The following KLHL7 variants were observed in gnomAD, a reference collection of about 807,000 sequenced individuals.
KLHL7 encodes the protein kelch-like protein 7.
A neutral mutation model predicts 67.4 loss-of-function variants in KLHL7; 44 were observed. That is an observed-to-expected ratio of 0.65 (90% CI 0.51 to 0.84). KLHL7 has a LOEUF of 0.84. Ranked by LOEUF, KLHL7 falls within the 40% of genes least tolerant of loss-of-function variation. The pLI is 0.00. For synonymous variants in KLHL7, 252 were observed against 243.3 expected, an observed-to-expected ratio of 1.04 and a Z score of -0.33; for missense variants, 362 against 718.1, an observed-to-expected ratio of 0.50 and a Z score of 5.67.
intron 6 of KLHL7, among the ~76,000 whole-genome samples, chr7:23,145,635 A>T (rs1784331824): frequency 6.6e-6 from 1 of 152,238 alleles, no homozygotes. Context: ...CAGTATTTGT[A>T]GATATTGTCT....
At chr7:23,113,168 T>C (rs1441922332) in intron 1 of KLHL7, among the ~76,000 whole-genome samples, 2 of 152,088 alleles carry the variant, frequency 1.3e-5, no homozygotes, top group Admixed American at 6.5e-5. Context: ...TCTGCTAAAA[T>C]GAAGGAGTAA....
chr7:23,136,048 A>T (rs944202763), intron 4 of KLHL7, among the ~76,000 whole-genome samples: 1 of 152,056 alleles, frequency 6.6e-6, no homozygotes, highest in Non-Finnish European at 1.5e-5. Flanking sequence ...GTTGCTGGGA[A>T]CTCTTCTGCT....
At chr7:23,162,588 T>A (rs1165611091) in intron 7 of KLHL7, among the ~76,000 whole-genome samples, 3 of 152,220 alleles carry the variant, frequency 2.0e-5, no homozygotes, top group African/African-American at 4.8e-5. Flanking sequence ...CCTGGCTTCA[T>A]ACCCAAGTTT....
At chr7:23,110,078 A>C (rs1782802634) in intron 1 of KLHL7, among the ~76,000 whole-genome samples, 1 of 152,216 alleles carries the variant, frequency 6.6e-6, no homozygotes, top group Non-Finnish European at 1.5e-5. Flanking sequence ...TCTGCCAAGT[A>C]AGTGCTTGGC....
intron 1 of KLHL7, chr7:23,118,085 T>C: frequency 8.1e-7 from 1 of 1,240,030 alleles, no homozygotes. Context: ...ATACAGTGCT[T>C]TAGCACTTAC....
chr7:23,147,783 T>C (rs1784405584), intron 6 of KLHL7, among the ~76,000 whole-genome samples: 1 of 152,170 alleles, frequency 6.6e-6, no homozygotes, highest in Non-Finnish European at 1.5e-5. Flanking sequence ...GACTTGCAGG[T>C]AGGGTAAATT....
In KLHL7 at chr7:23,174,128, T is replaced by G; in HGVS notation, c.1591T>G (p.Tyr531Asp). The G allele has an allele frequency of 1.9e-6, 3 of 1,614,202 alleles. No individual in the cohort carries two copies. The highest frequency in any genetic ancestry group is 2.5e-6 in the Non-Finnish European group (3 of 1,180,014). The change falls in exon 11 of 11, where the codon TAT becomes GAT. Residue 531 changes from tyrosine to aspartate, a missense_variant. Around this residue, in one of 5 missense-constraint regions of KLHL7, gnomAD observed 136 missense variants for 252.7 expected, o/e 0.54. Coordinates refer to ENST00000339077, the MANE Select transcript of KLHL7 (RefSeq NM_001031710.3). ...VKCAAVGSIVYVLAGFQGVGR... is the reference protein window; with the variant it reads ...VKCAAVGSIVDVLAGFQGVGR... ...ATGTGCAGCAGTTGGCTCTATAGTT[T>G]ATGTCTTGGCTGGTTTTCAGGGTGT...
At chr7:23,117,120 C>T (rs929746037) in intron 1 of KLHL7, among the ~76,000 whole-genome samples, 2 of 113,152 alleles carry the variant, frequency 1.8e-5, no homozygotes, top group African/African-American at 3.4e-5. Context: ...TCAAGTCTCG[C>T]TCTGTCACCC....
intron 6 of KLHL7, among the ~76,000 whole-genome samples, chr7:23,146,668 T>TCTTCTTCTTCTTC (rs1554290060): frequency 9.4e-5 from 12 of 128,258 alleles, no homozygotes; most frequent in African/African-American, 4.0e-4. Flanking sequence ...TTCTTCTTCT[T>TCTTCTTCTTCTTC]TTTTTTTTAA....
Position 23,147,094 on chromosome 7 carries a change from C to CTT in KLHL7, c.793+3086_793+3087dup, listed in dbSNP as rs397889904. Among the ~76,000 whole-genome samples the CTT allele has an allele frequency of 3.1e-3, 365 of 118,552 alleles. 11 individuals carry two copies. Among genetic ancestry groups the CTT allele is most frequent in the African/African-American group, 0.01 (329 of 32,536 alleles). The allele number at this position is 118,552 out of a possible 152,430, so 77.8% of individuals were successfully genotyped here. ...TCTATGTATTACTTATTAACCTGGA[C>CTT]TTTTTTTTTTTTTTTTTTAGACAGT... On this transcript the variant is annotated intron_variant, in intron 6 of 10. Coordinates refer to ENST00000339077, the MANE Select transcript of KLHL7 (RefSeq NM_001031710.3).
chr7:23,106,215 G>T, intron 1 of KLHL7, 69 bp downstream of exon 1: 1 of 1,577,360 alleles, frequency 6.3e-7, no homozygotes, highest in South Asian at 1.2e-5. Context: ...TGGTTCCCGG[G>T]GTGGAACCCC....
intron 6 of KLHL7, among the ~76,000 whole-genome samples, chr7:23,147,239 G>A (rs1206932139): frequency 5.3e-5 from 8 of 151,920 alleles, no homozygotes; most frequent in East Asian, 3.9e-4. Flanking sequence ...ATGGGCGTGC[G>A]CCACCACACC....
chr7:23,157,313 A>G (rs1225588998), intron 7 of KLHL7, among the ~76,000 whole-genome samples: 4 of 152,200 alleles, frequency 2.6e-5, no homozygotes, highest in South Asian at 4.1e-4. Flanking sequence ...ATAGGCAGCA[A>G]TCATCCCAGA....
At chr7:23,108,802 TTG>T (rs1372477882) in intron 1 of KLHL7, among the ~76,000 whole-genome samples, 12 of 152,222 alleles carry the variant, frequency 7.9e-5, no homozygotes, top group Non-Finnish European at 1.6e-4. Context: ...GCATAAACTC[TTG>T]TGTTTTGTTT....
intron 1 of KLHL7, among the ~76,000 whole-genome samples, chr7:23,115,048 G>A (rs894176446): frequency 3.3e-5 from 5 of 152,190 alleles, no homozygotes; most frequent in African/African-American, 4.8e-5. Context: ...CAGCCAGAAA[G>A]CGTTTGCTTG....
rs2128459655 is a variant in KLHL7 at position 23,122,308 on chromosome 7, G to T, written c.121-1469G>T. On this transcript the variant is annotated intron_variant, in intron 1 of 10. Transcript: ENST00000339077. ...TTCTCCCCATGATCTGATATAATCTGATTTGCTTGATGCTTTATCATCTTT... is the reference window on the plus strand; with the variant it reads ...TTCTCCCCATGATCTGATATAATCTTATTTGCTTGATGCTTTATCATCTTT... Among the ~76,000 whole-genome samples, 3 of 152,114 alleles carry T rather than the reference G, an allele frequency of 2.0e-5. No individual in the cohort carries two copies. The Middle Eastern group carries it at 0.01, about 517-fold the overall frequency.
At chr7:23,167,813 G>A (rs1785046901) in intron 8 of KLHL7, 23 bp from the exon 9 acceptor site, 2 of 1,609,862 alleles carry the variant, frequency 1.2e-6, no homozygotes, top group African/African-American at 1.3e-5. Context: ...AGTTAAGCAT[G>A]ATGGGGCCTT....
At chr7:23,116,574 TCTTTTC>T (rs1056975424) in intron 1 of KLHL7, among the ~76,000 whole-genome samples, 4 of 152,364 alleles carry the variant, frequency 2.6e-5, no homozygotes, top group African/African-American at 7.2e-5. Context: ...CCTTTCTTTT[TCTTTTC>T]CTTATGATTT....
At chr7:23,141,736 C>T (rs983841013) in intron 5 of KLHL7, among the ~76,000 whole-genome samples, 7 of 152,038 alleles carry the variant, frequency 4.6e-5, no homozygotes, top group African/African-American at 1.7e-4. Context: ...CATTCTCCTG[C>T]CTCAGCCTCC....
Sources: gnomAD v4.1 joint callset for allele counts (sites outside exome capture counted in the v4.1 genomes callset) on GRCh38, gnomAD v4.1.1 for gene constraint, gnomAD v4.1.1 regional missense constraint, MANE v1.5 for transcripts, NCBI Gene and HGNC (gene_info 2026-07-23, HGNC 2026-07-21) for gene names.